COL19A1: variants seen among roughly 807,000 people sequenced by gnomAD.
COL19A1 encodes collagen type XIX alpha 1 chain.
Under a neutral mutation model 190.2 loss-of-function variants are expected in COL19A1, and 159 were observed. The observed-to-expected ratio is 0.84, with a 90% CI of 0.73 to 0.95. The LOEUF (loss-of-function observed/expected upper bound fraction) is 0.95, where lower values mean the gene tolerates loss of function less well. Among genes scored for constraint, COL19A1 ranks in the 40% least tolerant of loss-of-function variants. The pLI is 0.00. For synonymous variants in COL19A1, 509 were observed against 458.9 expected (o/e 1.11, Z -1.39); for missense variants, 1,418 against 1,431.9 (o/e 0.99, Z 0.16).
intron 18 of COL19A1, among the ~76,000 whole-genome samples, chr6:70,131,966 C>T (rs927796045): frequency 2.0e-5 from 3 of 152,152 alleles, no homozygotes; most frequent in Non-Finnish European, 4.4e-5. Flanking sequence ...AAGCCAGTGG[C>T]ATAACTGTTC....
chr6:70,188,161 T>A lies in COL19A1; in HGVS notation c.2943T>A (p.Pro981=). Residue 981 remains proline, a synonymous_variant, in exon 47 of 51, where the codon CCT becomes CCA. Coordinates refer to ENST00000620364, the MANE Select transcript of COL19A1 (RefSeq NM_001858.6). ...CAGGCATGAAGGGGGCCATCGGTCC[T>A]ATGGGTCCACCAGGAAACAAGGGCT... is the stretch of plus-strand genomic sequence containing the variant. The part of the protein sequence containing the change: ...GLTGMKGAIG[P]MGPPGNKGSM... The A allele has an allele frequency of 6.2e-7, 1 of 1,614,006 alleles. No homozygotes were observed. Among genetic ancestry groups the A allele is most frequent in the Non-Finnish European group, 8.5e-7 (1 of 1,179,920 alleles).
At chr6:69,895,552 A>T (rs1235834857) in intron 2 of COL19A1, among the ~76,000 whole-genome samples, 2 of 152,212 alleles carry the variant, frequency 1.3e-5, no homozygotes, top group Non-Finnish European at 2.9e-5. Context: ...TCTAGGCCAG[A>T]GTCCCTGCTA....
intron 4 of COL19A1, among the ~76,000 whole-genome samples, chr6:69,915,874 A>G (rs1329579675): frequency 1.3e-5 from 2 of 151,170 alleles, no homozygotes; most frequent in Non-Finnish European, 2.9e-5. Flanking sequence ...CCTAGTTACT[A>G]GTATACATAC....
chr6:70,071,335 C>CA (rs1245142486), intron 15 of COL19A1, among the ~76,000 whole-genome samples: 1 of 151,998 alleles, frequency 6.6e-6, no homozygotes, highest in Non-Finnish European at 1.5e-5. Flanking sequence ...AGTACCACGC[C>CA]AAGGTTCTGT....
chr6:69,989,400 A>C (rs533505972), intron 11 of COL19A1, among the ~76,000 whole-genome samples: 33 of 152,148 alleles, frequency 2.2e-4, no homozygotes, highest in African/African-American at 6.5e-4. Context: ...GCTAATCCAT[A>C]TATTTGTGCC....
At chr6:69,900,396 G>A (rs1770104131) in intron 4 of COL19A1, 58 bp downstream of exon 4, 11 of 924,116 alleles carry the variant, frequency 1.2e-5, no homozygotes, top group Non-Finnish European at 1.7e-5. Flanking sequence ...ATTTTCTAAA[G>A]AGATTTCAAA....
rs945812444 is a variant in COL19A1 at position 70,174,981 on chromosome 6, G to A, written c.2623-1539G>A. Among the ~76,000 whole-genome samples the A allele has an allele frequency of 4.6e-5, 7 of 152,130 alleles. No homozygotes were observed. The East Asian group carries it at 5.8e-4, about 13-fold the overall frequency. ...GTCAGGTGTAACTATGAAAATAAGA[G>A]GTAAGTTCATTCGAGAATAGTGGTT... On this transcript the variant is annotated intron_variant, in intron 41 of 50. Transcript: ENST00000620364.
At chr6:69,899,253 C>T (rs889472012) in intron 3 of COL19A1, among the ~76,000 whole-genome samples, 1 of 151,674 alleles carries the variant, frequency 6.6e-6, no homozygotes, top group African/African-American at 2.4e-5. Context: ...CAACCTCCAC[C>T]TCCTGGGTAC....
chr6:69,912,597 G>A (rs1771019000), intron 4 of COL19A1, among the ~76,000 whole-genome samples: 1 of 152,178 alleles, frequency 6.6e-6, no homozygotes, highest in East Asian at 1.9e-4. Context: ...TGGCCCACAG[G>A]TGCCAGAATT....
chr6:69,927,842 A>C, intron 4 of COL19A1, 67 bp from the exon 5 acceptor site: 1 of 1,546,208 alleles, frequency 6.5e-7, no homozygotes, highest in Non-Finnish European at 8.8e-7. Flanking sequence ...ACAGAACTTT[A>C]TACCTAGATT....
At chr6:70,148,859 G>A (rs190977300) in intron 27 of COL19A1, among the ~76,000 whole-genome samples, 140 of 151,942 alleles carry the variant, frequency 9.2e-4, no homozygotes, top group African/African-American at 3.1e-3. Flanking sequence ...CCCGGGAGGC[G>A]GAGGTTGCAG....
At chr6:70,146,460 A>G (rs1384539010) in intron 25 of COL19A1, among the ~76,000 whole-genome samples, 199 bp from the exon 26 acceptor site, 1 of 152,084 alleles carries the variant, frequency 6.6e-6, no homozygotes, top group African/African-American at 2.4e-5. Context: ...CATTTTATAA[A>G]TAAAAATATT....
intron 15 of COL19A1, among the ~76,000 whole-genome samples, chr6:70,074,392 G>A (rs1052601281): frequency 1.3e-5 from 2 of 150,700 alleles, no homozygotes; most frequent in African/African-American, 2.5e-5. Context: ...TCAGCTACTC[G>A]GGAGACTGAG....
At chr6:70,162,065 C>A in intron 35 of COL19A1, 112 bp downstream of exon 35, 2 of 924,556 alleles carry the variant, frequency 2.2e-6, no homozygotes, top group South Asian at 2.4e-5. Context: ...GTAGATTGTC[C>A]AGATATTGCC....
intron 41 of COL19A1, among the ~76,000 whole-genome samples, chr6:70,172,884 A>G (rs2150275493): frequency 6.6e-6 from 1 of 152,332 alleles, no homozygotes. Flanking sequence ...GAAGCCAGTT[A>G]GAAGATATCC....
chr6:70,149,065 T>C (rs564973601), intron 27 of COL19A1, among the ~76,000 whole-genome samples: 156 of 152,110 alleles, frequency 1.0e-3, no homozygotes, highest in African/African-American at 3.5e-3. Context: ...TTTATTTAAA[T>C]AAGAAAAGAA....
intron 2 of COL19A1, among the ~76,000 whole-genome samples, chr6:69,884,075 C>G (rs777977817): frequency 1.3e-5 from 2 of 152,064 alleles, no homozygotes; most frequent in Non-Finnish European, 2.9e-5. Flanking sequence ...TGGCTCACAC[C>G]TGTAATCCCA....
chr6:70,026,101 T>C (rs75500050), intron 12 of COL19A1, among the ~76,000 whole-genome samples: 2,679 of 152,300 alleles, frequency 0.018, 82 homozygotes, highest in African/African-American at 0.061. Flanking sequence ...GGAATTGAAA[T>C]AGAAAGAGGA....
At position 70,190,401 on chromosome 6, in the gene COL19A1, A is replaced by G. The variant is rs1766791703; in HGVS notation, c.3094+20A>G. On this transcript the variant is annotated intron_variant, in intron 48 of 50. Coordinates refer to ENST00000620364, the MANE Select transcript of COL19A1 (RefSeq NM_001858.6). ...TTGAAGGTTAGATTTTCTTAATAACATTTTCGAATTTTTCACTGATTCCCA... is the reference window on the plus strand; with the variant it reads ...TTGAAGGTTAGATTTTCTTAATAACGTTTTCGAATTTTTCACTGATTCCCA... 6.5e-7 allele frequency: 1 copy of G among 1,535,140 alleles called. No homozygotes were observed. The highest frequency in any genetic ancestry group is 1.4e-5 in the African/African-American group (1 of 72,986).
Sources: gnomAD v4.1 joint callset for allele counts (sites outside exome capture counted in the v4.1 genomes callset) on GRCh38, gnomAD v4.1.1 for gene constraint, MANE v1.5 for transcripts, NCBI Gene and HGNC (gene_info 2026-07-23, HGNC 2026-07-21) for gene names.